ASTN1: variants seen among roughly 807,000 people sequenced by gnomAD.
ASTN1 encodes astrotactin 1, also known as astrotactin-1.
In ASTN1, 41 loss-of-function variants were observed where a neutral mutation model predicts 140.7. That is an observed-to-expected ratio of 0.29 (90% confidence interval 0.23 to 0.38). The LOEUF is 0.38. Among genes scored for constraint, ASTN1 ranks in the 10% least tolerant of loss-of-function variants. The pLI is 1.00. For synonymous variants in ASTN1, 640 were observed against 652.2 expected (o/e 0.98, Z 0.29); for missense variants, 1,479 against 1,678.8 (o/e 0.88, Z 2.08).
intron 18 of ASTN1, among the ~76,000 whole-genome samples, chr1:176,886,560 T>C (rs1430317755): frequency 1.3e-5 from 2 of 152,222 alleles, no homozygotes. Flanking sequence ...CAAAGGCTAG[T>C]GTATCTACAG....
chr1:176,919,062 C>A (rs1670621864), intron 16 of ASTN1, among the ~76,000 whole-genome samples: 1 of 152,214 alleles, frequency 6.6e-6, no homozygotes, highest in Non-Finnish European at 1.5e-5. Context: ...CCCATCCTAG[C>A]ATCCTATTCA....
intron 11 of ASTN1, among the ~76,000 whole-genome samples, chr1:176,953,043 G>A (rs76562058): frequency 2.0e-4 from 31 of 152,294 alleles, no homozygotes; most frequent in Admixed American, 1.3e-3. Context: ...ATCACCTTTC[G>A]TGAGATGCTC....
At chr1:176,905,098 C>T (rs1669928763) in intron 16 of ASTN1, among the ~76,000 whole-genome samples, 2 of 152,208 alleles carry the variant, frequency 1.3e-5, no homozygotes. Flanking sequence ...CTCAACATCT[C>T]TCTTTTCTTC....
intron 5 of ASTN1, among the ~76,000 whole-genome samples, chr1:177,027,553 GTA>G (rs980426331): frequency 2.0e-5 from 3 of 149,936 alleles, no homozygotes; most frequent in African/African-American, 7.4e-5. Flanking sequence ...TCTCGTGTGC[GTA>G]TATATTTATA....
intron 16 of ASTN1, among the ~76,000 whole-genome samples, chr1:176,906,180 G>T (rs1669990883): frequency 6.6e-6 from 1 of 152,176 alleles, no homozygotes. Flanking sequence ...TATGAACAAT[G>T]GTTGAAGGAA....
chr1:177,070,052 C>G (rs1010972287), intron 1 of ASTN1, among the ~76,000 whole-genome samples: 6 of 152,134 alleles, frequency 3.9e-5, no homozygotes, highest in African/African-American at 1.4e-4. Context: ...AATATTTAAA[C>G]TCCATAATGT....
intron 4 of ASTN1, among the ~76,000 whole-genome samples, chr1:177,029,980 C>G (rs1676343094): frequency 6.6e-6 from 1 of 152,184 alleles, no homozygotes; most frequent in South Asian, 2.1e-4. Flanking sequence ...TGACTAGGGC[C>G]ATTTCTGGCA....
chr1:177,099,961 G>T (rs1260849213), intron 1 of ASTN1, among the ~76,000 whole-genome samples: 2 of 152,154 alleles, frequency 1.3e-5, no homozygotes, highest in African/African-American at 2.4e-5. Flanking sequence ...AGCTGGATGG[G>T]CTCTTACACG....
intron 9 of ASTN1, among the ~76,000 whole-genome samples, chr1:176,963,415 G>A (rs1307649039): frequency 6.6e-6 from 1 of 151,968 alleles, no homozygotes; most frequent in African/African-American, 2.4e-5. Context: ...TAAACAGATT[G>A]TGACCCATTG....
intron 1 of ASTN1, among the ~76,000 whole-genome samples, chr1:177,072,464 A>G (rs1454647710): frequency 2.6e-5 from 4 of 152,172 alleles, no homozygotes; most frequent in Admixed American, 2.6e-4. Flanking sequence ...AGGGGTTAAG[A>G]TGACCTCTAA....
intron 7 of ASTN1, among the ~76,000 whole-genome samples, chr1:177,019,206 C>G (rs111831939): frequency 1.3e-5 from 2 of 152,298 alleles, no homozygotes; most frequent in African/African-American, 4.8e-5. Context: ...GTCAACAACT[C>G]TGTAAAATGG....
intron 4 of ASTN1, among the ~76,000 whole-genome samples, chr1:177,030,339 T>C (rs1419008278): frequency 2.0e-5 from 3 of 152,196 alleles, no homozygotes; most frequent in African/African-American, 7.2e-5. Context: ...CATTATGCTG[T>C]ATCTTCTATT....
rs554727894 is a variant in ASTN1 at position 176,909,935 on chromosome 1, A to G, written c.2672-15105T>C. ...GGCTTGTAGCGATATAGGATTTTGT[A>G]TTTAATTTTTCATTCCTACAGTAAC... is the stretch of plus-strand genomic sequence containing the variant. On this transcript the variant is annotated intron_variant, in intron 16 of 22. Transcript: ENST00000361833. 2.4e-4 allele frequency among the ~76,000 whole-genome samples: 37 copies of G among 152,282 alleles called. No individual in the cohort carries two copies. In the East Asian group the frequency reaches 7.0e-3, roughly 29 times the overall value.
chr1:176,864,911 T>C (rs544183517), intron 22 of ASTN1, among the ~76,000 whole-genome samples: 1 of 152,370 alleles, frequency 6.6e-6, no homozygotes, highest in South Asian at 2.1e-4. Flanking sequence ...GACTGGATAT[T>C]TCCCTTTCCA....
chr1:176,896,515 C>T (rs552251622), intron 16 of ASTN1, among the ~76,000 whole-genome samples: 7 of 152,294 alleles, frequency 4.6e-5, no homozygotes, highest in African/African-American at 1.7e-4. Flanking sequence ...CCTCCAGCCC[C>T]TCACCAGGCC....
At chr1:176,910,424 T>C (rs368909339) in intron 16 of ASTN1, among the ~76,000 whole-genome samples, 11 of 152,112 alleles carry the variant, frequency 7.2e-5, no homozygotes, top group African/African-American at 2.7e-4. Context: ...GTAGAGCAAA[T>C]ACAAAGTTAT....
rs371963774 is a variant in ASTN1 at position 177,012,301 on chromosome 1, CA to C, written c.1523+2489del. Among the ~76,000 whole-genome samples, 377 of 152,282 alleles carry C rather than the reference CA, an allele frequency of 2.5e-3. 3 individuals are homozygous for C. Among genetic ancestry groups the C allele is most frequent in the Middle Eastern group, 0.014 (4 of 294 alleles). ...AAGATGTATGGCATCTTATACTTTT[CA>C]CTTACCTTGTCATTTTATGAGGAAA... is the stretch of plus-strand genomic sequence containing the variant. On this transcript the variant is annotated intron_variant, in intron 8 of 22. Transcript: ENST00000361833.
chr1:176,984,484 C>T (rs2101886457), intron 8 of ASTN1, among the ~76,000 whole-genome samples: 1 of 152,218 alleles, frequency 6.6e-6, no homozygotes, highest in Non-Finnish European at 1.5e-5. Flanking sequence ...TGTGGAAATG[C>T]TGTTGAGATG....
chr1:177,151,259 A>C (rs568587070), intron 1 of ASTN1, among the ~76,000 whole-genome samples: 204 of 151,996 alleles, frequency 1.3e-3, no homozygotes, highest in African/African-American at 4.7e-3. Context: ...AAACAAAACA[A>C]AAAAAAATCT....
Sources: gnomAD v4.1 joint callset for allele counts (sites outside exome capture counted in the v4.1 genomes callset) on GRCh38, gnomAD v4.1.1 for gene constraint, MANE v1.5 for transcripts, NCBI Gene and HGNC (gene_info 2026-07-23, HGNC 2026-07-21) for gene names.